SRC: variants seen among roughly 807,000 people sequenced by gnomAD.
SRC encodes the protein proto-oncogene tyrosine-protein kinase Src.
A neutral mutation model predicts 62.9 loss-of-function variants in SRC; 13 were observed. The observed-to-expected ratio is 0.21, with a 90% CI of 0.13 to 0.33. The LOEUF is 0.33. SRC is among the 10% of genes least tolerant of loss of function. The probability of loss-of-function intolerance (pLI) is 1.00; values close to 1 mark genes in which losing one functional copy is unlikely to be tolerated. For missense variants in SRC, 457 were observed against 737.3 expected (o/e 0.62, Z 4.40); for synonymous variants, 302 against 317.5 (o/e 0.95, Z 0.52).
intron 4 of SRC, among the ~76,000 whole-genome samples, chr20:37,385,278 C>T (rs920527297): frequency 6.6e-6 from 1 of 152,178 alleles, no homozygotes; most frequent in South Asian, 2.1e-4. Context: ...CACGGACAGG[C>T]GTGGACCCTT....
rs1411658070 is a variant in SRC, at chr20:37,400,241, A to G, written c.986A>G (p.Tyr329Cys). 1 of 1,614,042 alleles carries G rather than the reference A, an allele frequency of 6.2e-7. No individual in the cohort carries two copies. The highest frequency in any genetic ancestry group is 1.7e-5 in the Admixed American group (1 of 60,026). ...AGGCATGAGAAGCTGGTGCAGTTGT[A>G]TGCTGTGGTTTCAGAGGAGCCCATT... The part of the protein sequence containing the change: ...KLRHEKLVQL[Y>C]AVVSEEPIYI... Residue 329 changes from tyrosine (Y) to cysteine (C), a missense_variant, in exon 10 of 14, where the codon TAT becomes TGT. By Grantham distance (194) the Tyr-to-Cys change is radical. Around this residue, in one of 4 missense-constraint regions of SRC, gnomAD observed 168 missense variants for 357.8 expected, o/e 0.47. Coordinates refer to ENST00000373578, the MANE Select transcript of SRC (RefSeq NM_198291.3).
In SRC at chr20:37,404,949, C is replaced by T. The variant is rs1051740461; in HGVS notation, c.*1570C>T. ...ATTTAACATGTAAAAATGTCCCCCC[C>T]GCTCCGTCCCCCAAACATGTTGTAC... On this transcript the variant is annotated 3_prime_UTR_variant, in exon 14 of 14. Coordinates refer to ENST00000373578, the MANE Select transcript of SRC (RefSeq NM_198291.3). 29 of 227,914 alleles carry T rather than the reference C, an allele frequency of 1.3e-4. No individual in the cohort carries two copies. The highest frequency in any genetic ancestry group is 3.2e-4 in the African/African-American group (14 of 43,734). The allele number at this position is 227,914 out of a possible 1,614,324, so 14.1% of individuals were successfully genotyped here. A position where few individuals can be genotyped will look rare whatever the true frequency, so the allele number is the denominator to read the frequency against.
intron 2 of SRC, among the ~76,000 whole-genome samples, chr20:37,380,352 C>T (rs1487148619): frequency 2.0e-5 from 3 of 152,114 alleles, no homozygotes; most frequent in African/African-American, 4.8e-5. Context: ...TTCACTCTCA[C>T]CCATGCTGTG....
Position 37,384,347 on chromosome 20 carries a change from G to A in SRC, c.194G>A (p.Gly65Glu). ...GCGGCCGCCGAGCCCAAGCTGTTCG[G>A]AGGCTTCAACTCCTCGGACACCGTC... ...APAAAEPKLF[G>E]GFNSSDTVTS... The change falls in exon 4 of 14, where the codon GGA (glycine) becomes GAA (glutamate). Residue 65 changes from glycine (G) to glutamate (E), a missense_variant. Gly to Glu is a moderately conservative substitution (Grantham distance 98). Coordinates refer to ENST00000373578, the MANE Select transcript of SRC (RefSeq NM_198291.3). The surrounding 1 kb of genome is among the most constrained non-coding windows in gnomAD (Gnocchi z 6.7). 6.8e-7 allele frequency: 1 copy of A among 1,467,720 alleles called. No homozygotes were observed. Among genetic ancestry groups the A allele is most frequent in the Non-Finnish European group, 9.0e-7 (1 of 1,114,914 alleles). The allele number at this position is 1,467,720 out of a possible 1,614,324, so 90.9% of individuals were successfully genotyped here. A position where few individuals can be genotyped will look rare whatever the true frequency, so the allele number is the denominator to read the frequency against.
Position 37,397,439 on chromosome 20 carries a change from C to G in SRC, c.704-260C>G, listed in dbSNP as rs112416500. On this transcript the variant is annotated intron_variant, in intron 8 of 13. Coordinates refer to ENST00000373578, the MANE Select transcript of SRC (RefSeq NM_198291.3). This position sits in a 1 kb window ranked among gnomAD's most constrained non-coding sequence, Gnocchi z 4.1. ...TGAGGGCAGGTTCCCTGGACATGTTCCCTCCCCGCAGGGTTCCTGGCACCC... is the reference window on the plus strand; with the variant it reads ...TGAGGGCAGGTTCCCTGGACATGTTGCCTCCCCGCAGGGTTCCTGGCACCC... Among the ~76,000 whole-genome samples, 194 of 152,324 alleles carry G rather than the reference C, an allele frequency of 1.3e-3. 1 individual carries two copies. Among genetic ancestry groups the G allele is most frequent in the African/African-American group, 4.5e-3 (187 of 41,564 alleles).
chr20:37,363,018 C>G lies in SRC; in HGVS notation c.-246-2186C>G, dbSNP rs76927850. On this transcript the variant is annotated intron_variant, in intron 1 of 13. Coordinates refer to ENST00000373578, the MANE Select transcript of SRC (RefSeq NM_198291.3). ...AGCCATCCCACCTGCCTGGATCACA[C>G]TCCCCACCCTCTCTTCACAAACCGC... Among the ~76,000 whole-genome samples, 20 of 152,316 alleles carry G rather than the reference C, an allele frequency of 1.3e-4. No individual in the cohort carries two copies. The East Asian group carries it at 3.9e-3, about 29-fold the overall frequency.
chr20:37,394,821 C>T (rs1023731862), intron 7 of SRC, among the ~76,000 whole-genome samples: 47 of 152,140 alleles, frequency 3.1e-4, no homozygotes, highest in Non-Finnish European at 5.7e-4. Flanking sequence ...TGGGGCTCAG[C>T]GGGAGATGGG....
intron 1 of SRC, among the ~76,000 whole-genome samples, chr20:37,350,309 A>G (rs549980660): frequency 4.6e-5 from 7 of 152,252 alleles, no homozygotes; most frequent in African/African-American, 1.7e-4. Context: ...CTTAGCACAC[A>G]TTAGGGACTC....
intron 5 of SRC, 39 bp from the exon 6 acceptor site, chr20:37,393,856 C>T: frequency 1.3e-6 from 2 of 1,516,194 alleles, no homozygotes; most frequent in Non-Finnish European, 1.8e-6. Flanking sequence ...TGGCTGACGG[C>T]TCCCTTCTCC....
At chr20:37,376,029 C>T (rs781480615) in intron 2 of SRC, among the ~76,000 whole-genome samples, 1 of 152,220 alleles carries the variant, frequency 6.6e-6, no homozygotes, top group Non-Finnish European at 1.5e-5. Flanking sequence ...TCCCAAGGCC[C>T]ACCTCCAAAC....
intron 7 of SRC, among the ~76,000 whole-genome samples, chr20:37,394,540 G>A (rs189887131): frequency 7.7e-4 from 117 of 152,238 alleles, no homozygotes; most frequent in African/African-American, 2.8e-3. Flanking sequence ...TTGTCTGGAG[G>A]TCTGAGTGTC....
intron 1 of SRC, among the ~76,000 whole-genome samples, chr20:37,352,206 A>G (rs1034319201): frequency 1.3e-5 from 2 of 152,234 alleles, no homozygotes; most frequent in African/African-American, 4.8e-5. Context: ...ACAAGATGGC[A>G]TGAAGATCCG....
In SRC at chr20:37,384,075, A is replaced by G; in HGVS notation, c.-4-75A>G. The G allele has an allele frequency of 6.4e-7, 1 of 1,551,620 alleles. No individual in the cohort carries two copies. Among genetic ancestry groups the G allele is most frequent in the Admixed American group, 1.9e-5 (1 of 54,018 alleles). On this transcript the variant is annotated intron_variant, in intron 3 of 13. Transcript: ENST00000373578. This position sits in a 1 kb window ranked among gnomAD's most constrained non-coding sequence, Gnocchi z 6.7. The stretch of plus-strand genomic sequence containing the variant: ...TGGGCCTCGTTTTCCCTATCTGTGG[A>G]ATGGGTGGGAGGGAGGCCGGCCAAG...
intron 5 of SRC, 158 bp downstream of exon 5, chr20:37,386,332 G>A (rs2070455039): frequency 5.3e-6 from 4 of 760,338 alleles, no homozygotes; most frequent in South Asian, 1.4e-5. Flanking sequence ...CTGCACTCTC[G>A]CCCTGGGCAG....
intron 2 of SRC, among the ~76,000 whole-genome samples, chr20:37,373,950 T>C (rs2070237181): frequency 2.0e-5 from 3 of 152,200 alleles, no homozygotes; most frequent in Non-Finnish European, 2.9e-5. Flanking sequence ...GTCTTCTTTT[T>C]AGGAGTTCTC....
intron 7 of SRC, among the ~76,000 whole-genome samples, chr20:37,395,042 T>C (rs1366082759): frequency 6.6e-6 from 1 of 152,170 alleles, no homozygotes; most frequent in Admixed American, 6.5e-5. Flanking sequence ...CTACTGGGCA[T>C]GGGCATGCCT....
At chr20:37,361,659 G>T (rs2069972259) in intron 1 of SRC, among the ~76,000 whole-genome samples, 1 of 152,266 alleles carries the variant, frequency 6.6e-6, no homozygotes, top group Non-Finnish European at 1.5e-5. Flanking sequence ...ACCCATCAGG[G>T]GTGGGGCAGC....
In SRC at chr20:37,384,338, A is replaced by T. The variant is rs1417751781; in HGVS notation, c.185A>T (p.Lys62Met). 6.8e-7 allele frequency: 1 copy of T among 1,467,136 alleles called. No homozygotes were observed. The highest frequency in any genetic ancestry group is 9.0e-7 in the Non-Finnish European group (1 of 1,114,674). The allele number at this position is 1,467,136 out of a possible 1,614,324, so 90.9% of individuals were successfully genotyped here. Residue 62 changes from lysine (K) to methionine (M), a missense_variant, in exon 4 of 14, where the codon AAG becomes ATG. Lys to Met is a moderately conservative substitution (Grantham distance 95). Around this residue, in one of 4 missense-constraint regions of SRC, gnomAD observed 132 missense variants for 135.4 expected, o/e 0.98. Coordinates refer to ENST00000373578, the MANE Select transcript of SRC (RefSeq NM_198291.3). This position sits in a 1 kb window ranked among gnomAD's most constrained non-coding sequence, Gnocchi z 6.7. ...TTCGCCCCCGCGGCCGCCGAGCCCA[A>T]GCTGTTCGGAGGCTTCAACTCCTCG... is the stretch of plus-strand genomic sequence containing the variant. The part of the protein sequence containing the change: ...AAFAPAAAEP[K>M]LFGGFNSSDT...
At position 37,396,282 on chromosome 20, in the gene SRC, G is replaced by A; in HGVS notation, c.674G>A (p.Ser225Asn). 6.2e-7 allele frequency: 1 copy of A among 1,613,802 alleles called. No homozygotes were observed. The highest frequency in any genetic ancestry group is 1.1e-5 in the South Asian group (1 of 91,078). ...ATCACCTCCCGCACCCAGTTCAACA[G>A]CCTGCAGCAGCTGGTGGCCTACTAC... ...FYITSRTQFN[S>N]LQQLVAYYSK... Residue 225 changes from serine to asparagine, a missense_variant, in exon 8 of 14, where the codon AGC becomes AAC. Physicochemically the swap from Ser to Asn is conservative, Grantham distance 46. This residue lies in a region of SRC where 141 missense variants were observed against 198.4 expected (regional missense o/e 0.71). Coordinates refer to ENST00000373578, the MANE Select transcript of SRC (RefSeq NM_198291.3). The surrounding 1 kb of genome is among the most constrained non-coding windows in gnomAD (Gnocchi z 6.1).
Sources: allele counts gnomAD v4.1 joint callset (sites outside exome capture counted in the v4.1 genomes callset), GRCh38; gene constraint gnomAD v4.1.1; regional missense constraint gnomAD v4.1.1; non-coding constraint Gnocchi (gnomAD v3.1); transcripts MANE v1.5; gene names NCBI Gene and HGNC (gene_info 2026-07-23, HGNC 2026-07-21).